Variants in TBC1D8 observed in about 807,000 individuals in gnomAD.
The protein encoded by TBC1D8 is BUB2-like protein 1.
Under a neutral mutation model 118.8 loss-of-function variants are expected in TBC1D8, and 65 were observed. That is an observed-to-expected ratio of 0.55 (90% CI 0.45 to 0.67). The LOEUF (loss-of-function observed/expected upper bound fraction) is 0.67, where lower values mean the gene tolerates loss of function less well. TBC1D8 is among the 30% of genes least tolerant of loss of function. The pLI, the probability that TBC1D8 is intolerant of heterozygous loss-of-function variation, is 0.00. For synonymous variants in TBC1D8, 566 were observed against 595.8 expected (o/e 0.95, Z 0.73); for missense variants, 1,376 against 1,471.2 (o/e 0.94, Z 1.06).
chr2:101,055,557 T>C (rs1220856367), intron 3 of TBC1D8, among the ~76,000 whole-genome samples: 2 of 152,154 alleles, frequency 1.3e-5, no homozygotes, highest in African/African-American at 2.4e-5. Flanking sequence ...CTCAGGTCTA[T>C]GGGAAAACAA....
At position 101,108,786 on chromosome 2, in the gene TBC1D8, C is replaced by T. The variant is rs149308652; in HGVS notation, c.128-18422G>A. Among the ~76,000 whole-genome samples, 248 of 142,240 alleles carry T rather than the reference C, an allele frequency of 1.7e-3. 3 individuals carry two copies. Among genetic ancestry groups the T allele is most frequent in the East Asian group, 4.6e-3 (19 of 4,122 alleles). 93.3% of individuals were successfully genotyped at this position (142,240 alleles called of 152,430 possible). On this transcript the variant is annotated intron_variant, in intron 1 of 19. Coordinates refer to ENST00000409318, the MANE Select transcript of TBC1D8 (RefSeq NM_001330348.2). The stretch of plus-strand genomic sequence containing the variant: ...TAAGGTCAGCTGATAAGCAACCTTA[C>T]TTCCATCTACTACCTTAATGCTCCT...
chr2:101,086,665 G>A (rs546486757), intron 2 of TBC1D8, among the ~76,000 whole-genome samples: 2 of 152,254 alleles, frequency 1.3e-5, no homozygotes, highest in Non-Finnish European at 2.9e-5. Flanking sequence ...TCTAGACAAG[G>A]ATGTCCAATC....
At chr2:101,131,018 G>C (rs1272204335) in intron 1 of TBC1D8, among the ~76,000 whole-genome samples, 2 of 152,024 alleles carry the variant, frequency 1.3e-5, no homozygotes, top group Non-Finnish European at 2.9e-5. Flanking sequence ...TGCCCTGCTG[G>C]GTGTGGCACC....
intron 1 of TBC1D8, among the ~76,000 whole-genome samples, chr2:101,119,054 T>A (rs2104228747): frequency 6.6e-6 from 1 of 152,244 alleles, no homozygotes; most frequent in East Asian, 1.9e-4. Context: ...TCAGATTTGA[T>A]AAATGAATTC....
intron 5 of TBC1D8, among the ~76,000 whole-genome samples, chr2:101,048,740 T>TTA (rs1553406612): frequency 4.8e-4 from 63 of 132,166 alleles, no homozygotes; most frequent in Non-Finnish European, 5.3e-4. Context: ...TAAGTCTTTT[T>TTA]AAAAAAAAAA....
intron 9 of TBC1D8, among the ~76,000 whole-genome samples, chr2:101,034,665 G>A (rs901299833): frequency 1.3e-5 from 2 of 152,210 alleles, no homozygotes; most frequent in African/African-American, 2.4e-5. Flanking sequence ...GTGCATATGC[G>A]TTAGAGAGAC....
chr2:101,055,471 T>C (rs1296523245), intron 3 of TBC1D8, among the ~76,000 whole-genome samples: 1 of 152,192 alleles, frequency 6.6e-6, no homozygotes, highest in Non-Finnish European at 1.5e-5. Context: ...ACTACCTGCC[T>C]GACTGTGTGG....
intron 1 of TBC1D8, among the ~76,000 whole-genome samples, chr2:101,106,393 C>T (rs1210058908): frequency 6.6e-6 from 1 of 152,082 alleles, no homozygotes; most frequent in Non-Finnish European, 1.5e-5. Flanking sequence ...GGTCAGGGAC[C>T]CCTGGATTTA....
At chr2:101,081,477 A>G (rs574126240) in intron 2 of TBC1D8, among the ~76,000 whole-genome samples, 2 of 152,232 alleles carry the variant, frequency 1.3e-5, no homozygotes, top group Non-Finnish European at 2.9e-5. Flanking sequence ...CCAGAGTCCA[A>G]ACTTGGATCT....
At position 101,037,680 on chromosome 2, in the gene TBC1D8, A is replaced by G. The variant is rs1681104603; in HGVS notation, c.1304T>C (p.Met435Thr). 6.2e-7 allele frequency: 1 copy of G among 1,613,766 alleles called. No homozygotes were observed. The highest frequency in any genetic ancestry group is 8.5e-7 in the Non-Finnish European group (1 of 1,179,886). ...ATCCCCAAATCTGTGGTCACTGCAC[A>G]TGCTTGTTGAATGAAACACGAGTGA... ...MASLVFHSTS[M>T]CSDHRFGDLE... Residue 435 changes from methionine to threonine, a missense_variant, in exon 8 of 20, where the codon ATG becomes ACG. Physicochemically the swap from Met to Thr is moderately conservative, Grantham distance 81 (BLOSUM62 -1). Transcript: ENST00000409318.
chr2:101,091,630 C>T (rs1403499821), intron 1 of TBC1D8, among the ~76,000 whole-genome samples: 4 of 152,160 alleles, frequency 2.6e-5, no homozygotes, highest in African/African-American at 9.6e-5. Context: ...GAGGCTGAGG[C>T]GGGAGGATGG....
chr2:101,122,095 T>C (rs993470358), intron 1 of TBC1D8, among the ~76,000 whole-genome samples: 3 of 145,450 alleles, frequency 2.1e-5, no homozygotes, highest in African/African-American at 7.6e-5. Flanking sequence ...TTTTCTGAGA[T>C]GGAGTCTTGC....
chr2:101,084,892 A>T (rs1675508088), intron 2 of TBC1D8, among the ~76,000 whole-genome samples: 1 of 139,784 alleles, frequency 7.2e-6, no homozygotes, highest in South Asian at 2.2e-4. Flanking sequence ...TCAGTCACCC[A>T]GGCTGGAGTC....
intron 17 of TBC1D8, chr2:101,019,104 C>T (rs373097611): frequency 7.6e-6 from 12 of 1,569,188 alleles, no homozygotes; most frequent in African/African-American, 1.3e-5. Flanking sequence ...TGAGCTGCAG[C>T]AGATGCCTTT....
intron 1 of TBC1D8, among the ~76,000 whole-genome samples, chr2:101,136,214 G>C (rs999233470): frequency 6.6e-6 from 1 of 152,036 alleles, no homozygotes; most frequent in Admixed American, 6.6e-5. Flanking sequence ...TTGGGCCATG[G>C]GGGTGGATCC....
At position 101,007,752 on chromosome 2, in the gene TBC1D8, A is replaced by G; in HGVS notation, c.*69T>C. On this transcript the variant is annotated 3_prime_UTR_variant, in exon 20 of 20. Coordinates refer to ENST00000409318, the MANE Select transcript of TBC1D8 (RefSeq NM_001330348.2). Reference sequence around the variant, plus strand: ...AGACTGAAATCTCGGTTTAGGGCTGACCCCAAGAAACAGTCTGGTTCGTGC... The same window carrying G: ...AGACTGAAATCTCGGTTTAGGGCTGGCCCCAAGAAACAGTCTGGTTCGTGC... The G allele has an allele frequency of 6.7e-7, 1 of 1,498,816 alleles. No individual in the cohort carries two copies. Among genetic ancestry groups the G allele is most frequent in the Non-Finnish European group, 9.1e-7 (1 of 1,098,924 alleles). 92.8% of individuals were successfully genotyped at this position (1,498,816 alleles called of 1,614,324 possible).
In TBC1D8 at chr2:101,038,671, C is replaced by G; in HGVS notation, c.1081-16G>C. ...TGCTCACCACCTGCGCGAGAGGCAACATGCAGGGACAGAAGGGCGGGAGGA... is the reference window on the plus strand; with the variant it reads ...TGCTCACCACCTGCGCGAGAGGCAAGATGCAGGGACAGAAGGGCGGGAGGA... On this transcript the variant is annotated splice_polypyrimidine_tract_variant and intron_variant, in intron 6 of 19. Coordinates refer to ENST00000409318, the MANE Select transcript of TBC1D8 (RefSeq NM_001330348.2). 1 of 1,612,684 alleles carries G rather than the reference C, an allele frequency of 6.2e-7. No individual in the cohort carries two copies. Among genetic ancestry groups the G allele is most frequent in the Non-Finnish European group, 8.5e-7 (1 of 1,179,218 alleles).
chr2:101,040,380 A>C lies in TBC1D8; in HGVS notation c.878T>G (p.Leu293Arg). 1 of 1,594,642 alleles carries C rather than the reference A, an allele frequency of 6.3e-7. No individual in the cohort carries two copies. Residue 293 changes from leucine to arginine, a missense_variant, in exon 6 of 20, where the codon CTG becomes CGG. By Grantham distance (102) the Leu-to-Arg change is moderately radical. Coordinates refer to ENST00000409318, the MANE Select transcript of TBC1D8 (RefSeq NM_001330348.2). ...GAACTCATTCTGTGCTCTGGCTTCC[A>C]GGTCCCTGGGGAAGGACAGGGAGAG... ...QEPSQITKRD[L>R]EARAQNEFFR...
chr2:101,121,522 T>C (rs879674319), intron 1 of TBC1D8, among the ~76,000 whole-genome samples: 1 of 152,200 alleles, frequency 6.6e-6, no homozygotes, highest in Non-Finnish European at 1.5e-5. Context: ...TTAAAGATGG[T>C]GCCTTCTAGA....
Sources: allele counts gnomAD v4.1 joint callset (sites outside exome capture counted in the v4.1 genomes callset), GRCh38; gene constraint gnomAD v4.1.1; transcripts MANE v1.5; gene names NCBI Gene and HGNC (gene_info 2026-07-23, HGNC 2026-07-21).